Variants in SLC25A48 observed in about 807,000 individuals in gnomAD.
SLC25A48 encodes CTC-321K16.1.
A neutral mutation model predicts 32.2 loss-of-function variants in SLC25A48; 29 were observed. The observed-to-expected ratio is 0.90, with a 90% CI of 0.67 to 1.23. The LOEUF (loss-of-function observed/expected upper bound fraction) is 1.23. Ranked by LOEUF, SLC25A48 falls within the 50% of genes most tolerant of loss-of-function variation. The pLI is 0.00. For synonymous variants in SLC25A48, 164 were observed against 172.3 expected (o/e 0.95, Z 0.38); for missense variants, 399 against 422.7 (o/e 0.94, Z 0.49).
upstream of SLC25A48, among the ~76,000 whole-genome samples, chr5:135,831,350 C>T (rs1276619686): frequency 1.3e-5 from 2 of 152,232 alleles, no homozygotes; most frequent in African/African-American, 2.4e-5. Flanking sequence ...ACTGACTGCC[C>T]ATCAGGCCTG....
chr5:135,643,405 G>C (rs924362809), intron 3 of SLC25A48, among the ~76,000 whole-genome samples: 1 of 152,190 alleles, frequency 6.6e-6, no homozygotes, highest in Non-Finnish European at 1.5e-5. Flanking sequence ...AGCCACACTT[G>C]CAGGAAGAGC....
At chr5:135,769,038 G>A (rs11242269) in intron 3 of SLC25A48, among the ~76,000 whole-genome samples, 46,654 of 151,362 alleles carry the variant, frequency 0.31, 7,386 homozygotes, top group East Asian at 0.46. Flanking sequence ...GTAATATCCA[G>A]GGGGAAGAGG....
intron 3 of SLC25A48, among the ~76,000 whole-genome samples, chr5:135,777,796 G>A (rs937574181): frequency 7.3e-6 from 1 of 136,766 alleles, no homozygotes; most frequent in Non-Finnish European, 1.6e-5. Flanking sequence ...GGGGGGGGGG[G>A]AATGTTAATA....
intron 3 of SLC25A48, among the ~76,000 whole-genome samples, chr5:135,657,700 A>G (rs1041412813): frequency 2.6e-5 from 4 of 152,120 alleles, no homozygotes; most frequent in Non-Finnish European, 5.9e-5. Flanking sequence ...TCTAGTCTAA[A>G]TTCCCTGGGC....
intron 1 of SLC25A48, among the ~76,000 whole-genome samples, chr5:135,582,615 C>CGATCTCATGCA (rs1751260141): frequency 6.6e-6 from 1 of 152,166 alleles, no homozygotes; most frequent in African/African-American, 2.4e-5. Flanking sequence ...TACTGGCTCC[C>CGATCTCATGCA]GATCTCATGC....
intron 3 of SLC25A48, chr5:135,742,387 TC>T: frequency 8.4e-7 from 1 of 1,192,346 alleles, no homozygotes; most frequent in Non-Finnish European, 1.1e-6. Flanking sequence ...GGCCTAGGAA[TC>T]CGTTATTTAA....
rs1430168556 is a variant in SLC25A48, at chr5:135,781,813, C to T, written c.-520-30710C>T. On this transcript the variant is annotated intron_variant, in intron 3 of 10. Transcript: ENST00000646290. ...TGTCAATATCACAGGAAGTGTACAC[C>T]CTTTCTGTGATATTGTTCCCAATAT... 1.7e-5 allele frequency among the ~76,000 whole-genome samples: 2 copies of T among 115,428 alleles called. 1 individual carries two copies. The highest frequency in any genetic ancestry group is 4.3e-5 in the Non-Finnish European group (2 of 46,682). 75.7% of individuals were successfully genotyped at this position (115,428 alleles called of 152,430 possible).
intron 3 of SLC25A48, among the ~76,000 whole-genome samples, chr5:135,715,917 T>G (rs564798229): frequency 6.6e-6 from 1 of 152,312 alleles, no homozygotes; most frequent in African/African-American, 2.4e-5. Context: ...TAATCCTGTT[T>G]CTCTGGGCTG....
chr5:135,695,854 A>C lies in SLC25A48; in HGVS notation c.-521+60898A>C, dbSNP rs571699611. 1.4e-4 allele frequency among the ~76,000 whole-genome samples: 21 copies of C among 152,240 alleles called. No individual in the cohort carries two copies. The South Asian group carries it at 3.7e-3, about 27-fold the overall frequency. On this transcript the variant is annotated intron_variant, in intron 3 of 10. Coordinates refer to the SLC25A48 transcript ENST00000646290. The stretch of plus-strand genomic sequence containing the variant: ...TCCCAGCAGCTCTGGGATGGGAGGG[A>C]GGTCAGCTCTTAATCTTAGTCACTT...
intron 3 of SLC25A48, among the ~76,000 whole-genome samples, chr5:135,719,971 A>G (rs1424828402): frequency 2.0e-5 from 3 of 152,224 alleles, no homozygotes; most frequent in Non-Finnish European, 4.4e-5. Flanking sequence ...GCTTTCTTTG[A>G]AGCAAGTTCT....
chr5:135,872,012 C>T (rs1761695660), intron 5 of SLC25A48: 1 of 1,296,830 alleles, frequency 7.7e-7, no homozygotes, highest in Non-Finnish European at 9.8e-7. Flanking sequence ...AATCCATTAT[C>T]ATGGTTCAGT....
chr5:135,817,742 G>A (rs1054445085), intron 4 of SLC25A48, among the ~76,000 whole-genome samples: 2 of 152,112 alleles, frequency 1.3e-5, no homozygotes, highest in South Asian at 2.1e-4. Flanking sequence ...CACAACCTGG[G>A]AGAAAACATT....
chr5:135,733,949 T>C lies in SLC25A48; in HGVS notation c.-520-78574T>C, dbSNP rs1201476234. Among the ~76,000 whole-genome samples the C allele has an allele frequency of 6.6e-5, 10 of 152,224 alleles. No individual in the cohort carries two copies. The South Asian group carries it at 8.3e-4, about 13-fold the overall frequency. ...GGGGTGGATAGGTAAAACAATTTGG[T>C]TGATAAGGCGCAGATCCTGAACTAA... On this transcript the variant is annotated intron_variant, in intron 3 of 10. Coordinates refer to the SLC25A48 transcript ENST00000646290.
chr5:135,713,511 A>G (rs1191887491), intron 3 of SLC25A48, among the ~76,000 whole-genome samples: 2 of 152,166 alleles, frequency 1.3e-5, no homozygotes, highest in Non-Finnish European at 2.9e-5. Flanking sequence ...CCTCCAAAAG[A>G]GACAGGACAC....
chr5:135,690,164 C>A (rs940177831), intron 3 of SLC25A48, among the ~76,000 whole-genome samples: 22 of 152,284 alleles, frequency 1.4e-4, no homozygotes, highest in Middle Eastern at 3.4e-3. Flanking sequence ...ATTAGTAAAC[C>A]TCCCTATGCC....
At chr5:135,827,613 C>T (rs1230892080) in intron 4 of SLC25A48, 2 of 152,262 alleles carry the variant, frequency 1.3e-5, no homozygotes, top group Non-Finnish European at 2.9e-5. Flanking sequence ...CTGGAAAACT[C>T]TTCCCGACTC....
intron 3 of SLC25A48, among the ~76,000 whole-genome samples, chr5:135,806,116 G>A (rs7720137): frequency 0.077 from 11,693 of 151,356 alleles, 868 homozygotes; most frequent in African/African-American, 0.2. Flanking sequence ...CTTTGTTGTC[G>A]TTTTTATCAT....
At chr5:135,737,062 C>T (rs546145969) in intron 3 of SLC25A48, among the ~76,000 whole-genome samples, 1 of 152,264 alleles carries the variant, frequency 6.6e-6, no homozygotes, top group South Asian at 2.1e-4. Flanking sequence ...CGAGGGAGGT[C>T]CCCTGATCCG....
chr5:135,796,977 G>T (rs985954074), intron 3 of SLC25A48, among the ~76,000 whole-genome samples: 1 of 151,584 alleles, frequency 6.6e-6, no homozygotes, highest in African/African-American at 2.4e-5. Context: ...ATCAAGGGTG[G>T]TTTTCACCCC....
Sources: gnomAD v4.1 joint callset for allele counts (sites outside exome capture counted in the v4.1 genomes callset) on GRCh38, gnomAD v4.1.1 for gene constraint, MANE v1.5 for transcripts, NCBI Gene and HGNC (gene_info 2026-07-23, HGNC 2026-07-21) for gene names.